Variants in BBS9 observed in about 807,000 individuals in gnomAD.
BBS9 encodes the protein Bardet-Biedl syndrome 9, also known as protein PTHB1.
BBS9 carries 89 observed loss-of-function variants against 117.7 expected under a neutral mutation model. That is an observed-to-expected ratio of 0.76 (90% CI 0.64 to 0.90). BBS9 has a LOEUF of 0.90. BBS9 is among the 40% of genes least tolerant of loss of function. BBS9 has a pLI of 0.00. For synonymous variants in BBS9, 379 were observed against 370.9 expected (o/e 1.02, Z -0.25); for missense variants, 982 against 1,042.2 (o/e 0.94, Z 0.80).
intron 6 of BBS9, among the ~76,000 whole-genome samples, chr7:33,259,222 G>T (rs1281410137): frequency 6.6e-6 from 1 of 152,040 alleles, no homozygotes; most frequent in East Asian, 1.9e-4. Flanking sequence ...AATAGAATAG[G>T]CTTTTAACAC....
At chr7:33,567,019 A>G (rs540177552) in intron 21 of BBS9, among the ~76,000 whole-genome samples, 1 of 152,274 alleles carries the variant, frequency 6.6e-6, no homozygotes, top group African/African-American at 2.4e-5. Flanking sequence ...AAGGAAAGGG[A>G]GATAGGAATG....
chr7:33,429,465 T>C (rs1269662481), intron 19 of BBS9, among the ~76,000 whole-genome samples: 1 of 152,176 alleles, frequency 6.6e-6, no homozygotes, highest in Non-Finnish European at 1.5e-5. Flanking sequence ...GGCTATGAAT[T>C]TGTGTTTGAG....
chr7:33,578,786 T>C (rs1300869180), intron 21 of BBS9, among the ~76,000 whole-genome samples: 2 of 152,192 alleles, frequency 1.3e-5, no homozygotes, highest in African/African-American at 4.8e-5. Flanking sequence ...ATCTATCCCA[T>C]ATCAGTATAT....
At chr7:33,243,367 A>G (rs1047699090) in intron 5 of BBS9, among the ~76,000 whole-genome samples, 3 of 152,336 alleles carry the variant, frequency 2.0e-5, no homozygotes, top group South Asian at 2.1e-4. Flanking sequence ...CTTCACATTC[A>G]TATCTGATGC....
intron 1 of BBS9, among the ~76,000 whole-genome samples, chr7:33,131,789 A>T (rs1447851102): frequency 6.6e-6 from 1 of 152,346 alleles, no homozygotes; most frequent in African/African-American, 2.4e-5. Context: ...AATAAAAATT[A>T]TTAAAACTTT....
At chr7:33,630,152 A>G (rs1035636849) in intron 21 of BBS9, among the ~76,000 whole-genome samples, 9 of 152,222 alleles carry the variant, frequency 5.9e-5, no homozygotes, top group African/African-American at 2.2e-4. Context: ...TCCCTTGTCA[A>G]ATAATGATTA....
intron 18 of BBS9, among the ~76,000 whole-genome samples, chr7:33,385,685 A>G (rs1825873530): frequency 6.6e-6 from 1 of 152,094 alleles, no homozygotes; most frequent in Admixed American, 6.5e-5. Context: ...GCAGTAAATT[A>G]TACAATTAAA....
chr7:33,600,628 C>T (rs1337161648), intron 21 of BBS9, among the ~76,000 whole-genome samples: 1 of 152,084 alleles, frequency 6.6e-6, no homozygotes, highest in East Asian at 1.9e-4. Flanking sequence ...TATTATTGCC[C>T]ACCCTTGCCA....
intron 5 of BBS9, among the ~76,000 whole-genome samples, chr7:33,201,543 G>A (rs78529417): frequency 0.026 from 4,015 of 152,116 alleles, 191 homozygotes; most frequent in African/African-American, 0.092. Flanking sequence ...ATTCTGTGGG[G>A]TGAATCAGTA....
At chr7:33,483,126 A>G in intron 19 of BBS9, among the ~76,000 whole-genome samples, 1 of 152,162 alleles carries the variant, frequency 6.6e-6, no homozygotes, top group East Asian at 1.9e-4. Context: ...TAGCTTTAAA[A>G]CAGACTGAAA....
intron 7 of BBS9, among the ~76,000 whole-genome samples, chr7:33,272,258 A>C (rs1039002857): frequency 6.6e-6 from 1 of 152,166 alleles, no homozygotes; most frequent in Non-Finnish European, 1.5e-5. Context: ...TACTACGCTT[A>C]ATACCTGGGT....
intron 5 of BBS9, among the ~76,000 whole-genome samples, chr7:33,232,356 T>C (rs1263811493): frequency 2.0e-5 from 3 of 152,164 alleles, no homozygotes; most frequent in Non-Finnish European, 2.9e-5. Context: ...TAAAATCACC[T>C]TTAATACTAA....
chr7:33,558,815 G>A (rs12701304), intron 21 of BBS9, among the ~76,000 whole-genome samples: 4,834 of 152,246 alleles, frequency 0.032, 164 homozygotes, highest in East Asian at 0.19. Context: ...GAGTAGAAAA[G>A]TTTAAAAGGC....
chr7:33,458,995 C>A (rs2128930016), intron 19 of BBS9, among the ~76,000 whole-genome samples: 1 of 152,182 alleles, frequency 6.6e-6, no homozygotes, highest in South Asian at 2.1e-4. Context: ...AACACTAGGG[C>A]TTTTTTCTTT....
At chr7:33,274,882 C>T (rs1800454876) in intron 9 of BBS9, among the ~76,000 whole-genome samples, 1 of 150,706 alleles carries the variant, frequency 6.6e-6, no homozygotes, top group Non-Finnish European at 1.5e-5. Flanking sequence ...GTAGTCCCAG[C>T]TGCTTGGGAG....
intron 9 of BBS9, among the ~76,000 whole-genome samples, chr7:33,294,303 A>G (rs1331362044): frequency 1.9e-5 from 1 of 53,746 alleles, no homozygotes. Context: ...CTATCTATCT[A>G]TCTATCTATC....
At chr7:33,348,809 A>T (rs1301096078) in intron 12 of BBS9, among the ~76,000 whole-genome samples, 1 of 152,132 alleles carries the variant, frequency 6.6e-6, no homozygotes, top group Non-Finnish European at 1.5e-5. Context: ...CTCCTTCATA[A>T]CTAAGGATAT....
chr7:33,547,761 T>C (rs948044771), intron 21 of BBS9, among the ~76,000 whole-genome samples: 1 of 152,236 alleles, frequency 6.6e-6, no homozygotes, highest in African/African-American at 2.4e-5. Context: ...CATAGTTCTT[T>C]TACCTCCTTG....
intron 19 of BBS9, among the ~76,000 whole-genome samples, chr7:33,464,928 C>T (rs1217241955): frequency 6.6e-6 from 1 of 151,984 alleles, no homozygotes; most frequent in Non-Finnish European, 1.5e-5. Context: ...TGGGCTCAAT[C>T]GATTCTCTCA....
Sources: allele counts gnomAD v4.1 joint callset (sites outside exome capture counted in the v4.1 genomes callset), GRCh38; gene constraint gnomAD v4.1.1; transcripts MANE v1.5; gene names NCBI Gene and HGNC (gene_info 2026-07-23, HGNC 2026-07-21).